ADK: variants seen among roughly 807,000 people sequenced by gnomAD.
ADK encodes the protein adenosine kinase.
ADK carries 24 observed loss-of-function variants against 44.7 expected under a neutral mutation model. The ratio of observed to expected loss-of-function variants is 0.54; its 90% confidence interval spans 0.39 to 0.76. The LOEUF (loss-of-function observed/expected upper bound fraction) is 0.76. Among genes scored for constraint, ADK ranks in the 30% least tolerant of loss-of-function variants. ADK has a pLI of 0.00. For missense variants in ADK, 321 were observed against 425.1 expected (o/e 0.76, Z 2.15); for synonymous variants, 128 against 142.6 (o/e 0.90, Z 0.73).
At chr10:74,660,473 C>T (rs187888214) in intron 9 of ADK, among the ~76,000 whole-genome samples, 4 of 152,288 alleles carry the variant, frequency 2.6e-5, no homozygotes, top group African/African-American at 9.6e-5. Flanking sequence ...CACAGTGGCT[C>T]ATGCCTGTAA....
At chr10:74,618,409 G>A (rs1464422951) in intron 9 of ADK, among the ~76,000 whole-genome samples, 1 of 152,078 alleles carries the variant, frequency 6.6e-6, no homozygotes, top group Non-Finnish European at 1.5e-5. Context: ...TCATGCCTCA[G>A]CCTCCTGAGT....
chr10:74,571,272 G>T (rs1175304730), intron 7 of ADK, among the ~76,000 whole-genome samples: 9 of 151,890 alleles, frequency 5.9e-5, no homozygotes, highest in South Asian at 2.1e-4. Flanking sequence ...GTCTCTGCCA[G>T]GCTTTGGTAT....
At chr10:74,269,084 CATT>C (rs1397363777) in intron 3 of ADK, among the ~76,000 whole-genome samples, 1 of 152,096 alleles carries the variant, frequency 6.6e-6, no homozygotes, top group Non-Finnish European at 1.5e-5. Context: ...TTAAATGTAA[CATT>C]AATTTTTCTA....
At chr10:74,422,949 C>T (rs1844616278) in intron 6 of ADK, among the ~76,000 whole-genome samples, 1 of 152,098 alleles carries the variant, frequency 6.6e-6, no homozygotes, top group South Asian at 2.1e-4. Flanking sequence ...CTGATGACAG[C>T]CAGCTGAAGG....
intron 6 of ADK, among the ~76,000 whole-genome samples, chr10:74,514,876 G>A (rs1251199492): frequency 6.6e-6 from 1 of 151,868 alleles, no homozygotes; most frequent in Admixed American, 6.6e-5. Context: ...CCAGGCTGGA[G>A]TGCAGTGGCA....
At chr10:74,394,868 A>G (rs1169562336) in intron 5 of ADK, among the ~76,000 whole-genome samples, 2 of 152,192 alleles carry the variant, frequency 1.3e-5, no homozygotes, top group Non-Finnish European at 2.9e-5. Flanking sequence ...CTAACAAAAC[A>G]ACCAAGTATA....
chr10:74,615,113 C>G (rs943624562), intron 9 of ADK, among the ~76,000 whole-genome samples: 3 of 151,978 alleles, frequency 2.0e-5, no homozygotes, highest in Non-Finnish European at 4.4e-5. Flanking sequence ...TTGTTTTATC[C>G]TAAAGTAGTT....
intron 3 of ADK, among the ~76,000 whole-genome samples, chr10:74,247,126 C>T (rs1591927173): frequency 6.6e-6 from 1 of 151,174 alleles, no homozygotes; most frequent in South Asian, 2.1e-4. Flanking sequence ...ACTATGAGCC[C>T]AGAGAGGTTA....
chr10:74,278,724 G>A (rs1028883843), intron 3 of ADK, among the ~76,000 whole-genome samples: 4 of 152,112 alleles, frequency 2.6e-5, no homozygotes, highest in Admixed American at 6.5e-5. Context: ...TACAGTGACT[G>A]TTTATAGGCA....
At chr10:74,570,451 G>C (rs956872036) in intron 7 of ADK, among the ~76,000 whole-genome samples, 3 of 151,880 alleles carry the variant, frequency 2.0e-5, no homozygotes, top group Non-Finnish European at 4.4e-5. Context: ...TTATTTCATT[G>C]AGCAGTGGTT....
intron 6 of ADK, among the ~76,000 whole-genome samples, chr10:74,476,816 C>G (rs1322974821): frequency 6.6e-6 from 1 of 152,092 alleles, no homozygotes; most frequent in Non-Finnish European, 1.5e-5. Context: ...ACCTGCCAAC[C>G]ATGGGAAAAG....
At chr10:74,589,678 A>T in intron 8 of ADK, among the ~76,000 whole-genome samples, 1 of 152,208 alleles carries the variant, frequency 6.6e-6, no homozygotes, top group South Asian at 2.1e-4. Flanking sequence ...ATTCACTGCT[A>T]AAGCAGTGGT....
At chr10:74,665,447 T>C (rs775137853) in intron 9 of ADK, among the ~76,000 whole-genome samples, 27 of 151,996 alleles carry the variant, frequency 1.8e-4, no homozygotes, top group Admixed American at 5.2e-4. Context: ...TACCTTGAGG[T>C]TGAAAAACAC....
Position 74,398,697 on chromosome 10 carries a change from C to G in ADK, c.555+118C>G, listed in dbSNP as rs529572748. 1.1e-3 allele frequency: 650 copies of G among 574,492 alleles called. 10 individuals are homozygous for G. Among genetic ancestry groups the G allele is most frequent in the African/African-American group, 0.011 (593 of 53,204 alleles). The allele number at this position is 574,492 out of a possible 1,614,324, so 35.6% of individuals were successfully genotyped here. A position where few individuals can be genotyped will look rare whatever the true frequency, so the allele number is the denominator to read the frequency against. ...TTTACCCTGCAAATTATTTATCTCTCTCAAAGCATATGTTAGATTCACTAT... is the reference window on the plus strand; with the variant it reads ...TTTACCCTGCAAATTATTTATCTCTGTCAAAGCATATGTTAGATTCACTAT... On this transcript the variant is annotated intron_variant, in intron 6 of 10. Transcript: ENST00000539909.
intron 9 of ADK, among the ~76,000 whole-genome samples, chr10:74,612,585 C>T (rs1386251508): frequency 6.6e-6 from 1 of 151,942 alleles, no homozygotes; most frequent in African/African-American, 2.4e-5. Context: ...TGTAGGCTGT[C>T]TGTTTATTTT....
intron 4 of ADK, among the ~76,000 whole-genome samples, chr10:74,325,755 A>G (rs1840983275): frequency 6.6e-6 from 1 of 152,148 alleles, no homozygotes; most frequent in African/African-American, 2.4e-5. Context: ...CCTGCATTTA[A>G]TGTGATATAT....
chr10:74,622,914 G>A (rs1853047606), intron 9 of ADK, among the ~76,000 whole-genome samples: 1 of 152,144 alleles, frequency 6.6e-6, no homozygotes, highest in Non-Finnish European at 1.5e-5. Flanking sequence ...GGCTGAGGCA[G>A]GAGAATCGTT....
At chr10:74,416,409 T>C (rs1261056601) in intron 6 of ADK, among the ~76,000 whole-genome samples, 4 of 152,098 alleles carry the variant, frequency 2.6e-5, no homozygotes, top group Non-Finnish European at 5.9e-5. Context: ...CACATTCATA[T>C]TAACTAACAT....
At chr10:74,447,740 A>G (rs1845634873) in intron 6 of ADK, among the ~76,000 whole-genome samples, 1 of 152,198 alleles carries the variant, frequency 6.6e-6, no homozygotes, top group Non-Finnish European at 1.5e-5. Flanking sequence ...AAAAATGATA[A>G]GAAGTCAATT....
Sources: gnomAD v4.1 joint callset for allele counts (sites outside exome capture counted in the v4.1 genomes callset) on GRCh38, gnomAD v4.1.1 for gene constraint, MANE v1.5 for transcripts, NCBI Gene and HGNC (gene_info 2026-07-23, HGNC 2026-07-21) for gene names.